The following ADAM10 variants were observed in gnomAD, a reference collection of about 807,000 sequenced individuals.
The protein encoded by ADAM10 is ADAM metallopeptidase domain 10.
ADAM10 carries 17 observed loss-of-function variants against 90.1 expected under a neutral mutation model. The observed-to-expected ratio is 0.19, with a 90% CI of 0.13 to 0.28. ADAM10 has a LOEUF of 0.28. Among genes scored for constraint, ADAM10 ranks in the 10% least tolerant of loss-of-function variants. The pLI is 1.00. For missense variants in ADAM10, 610 were observed against 914.3 expected (o/e 0.67, Z 4.29); for synonymous variants, 310 against 298.6 (o/e 1.04, Z -0.40).
At chr15:58,613,662 A>G (rs1468864575) in intron 11 of ADAM10, among the ~76,000 whole-genome samples, 1 of 151,898 alleles carries the variant, frequency 6.6e-6, no homozygotes, top group South Asian at 2.1e-4. Context: ...ATAAAAATAT[A>G]TAATAGACAG....
rs1894930535 is a variant in ADAM10 at position 58,595,689 on chromosome 15, A to C, written c.*1858T>G. ...TAGGGCAGTGTGTGTACCTGCCAAAATCCTACCACAGGATAACATTACAAG... is the reference window on the plus strand; with the variant it reads ...TAGGGCAGTGTGTGTACCTGCCAAACTCCTACCACAGGATAACATTACAAG... On this transcript the variant is annotated 3_prime_UTR_variant, in exon 16 of 16. Transcript: ENST00000260408. 2 of 152,128 alleles carry C rather than the reference A, an allele frequency of 1.3e-5. No homozygotes were observed. Among genetic ancestry groups the C allele is most frequent in the South Asian group, 4.1e-4 (2 of 4,832 alleles). 9.4% of individuals were successfully genotyped at this position (152,128 alleles called of 1,614,324 possible).
intron 9 of ADAM10, chr15:58,629,329 C>T (rs1896034995): frequency 6.6e-6 from 1 of 152,166 alleles, no homozygotes; most frequent in African/African-American, 2.4e-5. Context: ...CTGCATAAAT[C>T]CATTACAGAT....
rs529088737 is a variant in ADAM10, at chr15:58,694,713, T to C, written c.207-12399A>G. Among the ~76,000 whole-genome samples, 138 of 150,886 alleles carry C rather than the reference T, an allele frequency of 9.1e-4. 1 individual carries two copies. The highest frequency in any genetic ancestry group is 2.8e-3 in the Admixed American group (43 of 15,132). On this transcript the variant is annotated intron_variant, in intron 2 of 15. Coordinates refer to ENST00000260408, the MANE Select transcript of ADAM10 (RefSeq NM_001110.4). ...GTCTATCAACAAGTAAAGAGAAAGA[T>C]GTATTCATATAATGGCAAACTACTC... is the stretch of plus-strand genomic sequence containing the variant.
chr15:58,597,404 G>A lies in ADAM10; in HGVS notation c.*143C>T. 1 of 1,554,164 alleles carries A rather than the reference G, an allele frequency of 6.4e-7. No homozygotes were observed. Among genetic ancestry groups the A allele is most frequent in the Non-Finnish European group, 8.7e-7 (1 of 1,148,192 alleles). On this transcript the variant is annotated 3_prime_UTR_variant, in exon 16 of 16. Coordinates refer to ENST00000260408, the MANE Select transcript of ADAM10 (RefSeq NM_001110.4). ...TTTAAAATTTAAGTAATTCCACCTG[G>A]TCTGAGGATATGATCTCTTGCCATT...
At chr15:58,676,748 T>C (rs1381617565) in intron 4 of ADAM10, among the ~76,000 whole-genome samples, 3 of 151,976 alleles carry the variant, frequency 2.0e-5, no homozygotes, top group African/African-American at 7.3e-5. Context: ...GCCCAGGAGG[T>C]TGAGGCTGTA....
intron 2 of ADAM10, among the ~76,000 whole-genome samples, chr15:58,715,672 G>C (rs1898635243): frequency 6.6e-6 from 1 of 152,120 alleles, no homozygotes; most frequent in African/African-American, 2.4e-5. Flanking sequence ...TTCACTAGCA[G>C]TCAGTAAACA....
intron 11 of ADAM10, among the ~76,000 whole-genome samples, chr15:58,613,958 A>G (rs1895526522): frequency 6.6e-6 from 1 of 152,202 alleles, no homozygotes; most frequent in Non-Finnish European, 1.5e-5. Context: ...TCTGCAACCA[A>G]TCAATCAATC....
chr15:58,593,020 A>G lies in ADAM10; in HGVS notation c.*4527T>C, dbSNP rs1481272568. On this transcript the variant is annotated 3_prime_UTR_variant, in exon 16 of 16. Transcript: ENST00000260408. ...AAAAAAAAAACATACATCCACAGAAATATTTAGAGTAGTTAATGTGATATA... is the reference window on the plus strand; with the variant it reads ...AAAAAAAAAACATACATCCACAGAAGTATTTAGAGTAGTTAATGTGATATA... 2 of 150,666 alleles carry G rather than the reference A, an allele frequency of 1.3e-5. No individual in the cohort carries two copies. Among genetic ancestry groups the G allele is most frequent in the Admixed American group, 6.6e-5 (1 of 15,134 alleles). The allele number at this position is 150,666 out of a possible 1,614,324, so 9.3% of individuals were successfully genotyped here.
intron 9 of ADAM10, among the ~76,000 whole-genome samples, chr15:58,628,229 T>C (rs1335770637): frequency 6.6e-6 from 1 of 152,174 alleles, no homozygotes; most frequent in Non-Finnish European, 1.5e-5. Flanking sequence ...AACTACTAAA[T>C]AGTCTCTAAC....
At chr15:58,609,925 T>A in intron 14 of ADAM10, 1 of 259,162 alleles carries the variant, frequency 3.9e-6, no homozygotes, top group Non-Finnish European at 7.5e-6. Flanking sequence ...TCAGGAAAAA[T>A]CACCAATTAG....
At chr15:58,723,467 C>A (rs1898924557) in intron 1 of ADAM10, among the ~76,000 whole-genome samples, 2 of 151,972 alleles carry the variant, frequency 1.3e-5, no homozygotes, top group Admixed American at 1.3e-4. Context: ...GGTAGATCAC[C>A]TGAGGTCAGG....
At chr15:58,741,369 T>G (rs1899608591) in intron 1 of ADAM10, among the ~76,000 whole-genome samples, 1 of 152,184 alleles carries the variant, frequency 6.6e-6, no homozygotes, top group African/African-American at 2.4e-5. Flanking sequence ...AATCTCTATC[T>G]CCACTCCAAA....
intron 14 of ADAM10, among the ~76,000 whole-genome samples, chr15:58,608,835 A>G (rs1448441606): frequency 3.3e-5 from 5 of 152,198 alleles, no homozygotes; most frequent in Non-Finnish European, 7.4e-5. Flanking sequence ...ATAACAGAGA[A>G]AAGTAAAAAA....
intron 2 of ADAM10, among the ~76,000 whole-genome samples, chr15:58,685,580 A>ATATATATATATG (rs1306197062): frequency 7.4e-6 from 1 of 134,486 alleles, no homozygotes; most frequent in African/African-American, 3.0e-5. Context: ...ATATATATAT[A>ATATATATATATG]TATGTATATA....
intron 2 of ADAM10, chr15:58,692,747 C>T (rs1897861275): frequency 3.4e-6 from 2 of 589,440 alleles, no homozygotes; most frequent in South Asian, 1.4e-5. Flanking sequence ...TACTGTTCTT[C>T]GTCATTGTGC....
At chr15:58,612,904 A>G (rs1566967220) in intron 11 of ADAM10, among the ~76,000 whole-genome samples, 1 of 152,182 alleles carries the variant, frequency 6.6e-6, no homozygotes, top group South Asian at 2.1e-4. Flanking sequence ...ACTGCAAGAC[A>G]CAAGTACCAT....
At chr15:58,647,159 G>A (rs1423606518) in intron 5 of ADAM10, among the ~76,000 whole-genome samples, 7 of 149,034 alleles carry the variant, frequency 4.7e-5, no homozygotes, top group African/African-American at 1.7e-4. Flanking sequence ...TAGAATGTAA[G>A]TTCTGGAAAG....
chr15:58,600,533 C>CT (rs1448410840), intron 14 of ADAM10, among the ~76,000 whole-genome samples: 1 of 151,908 alleles, frequency 6.6e-6, no homozygotes, highest in Non-Finnish European at 1.5e-5. Flanking sequence ...TATAGGCTAT[C>CT]TTTTTAAATA....
intron 8 of ADAM10, among the ~76,000 whole-genome samples, chr15:58,634,625 CT>C (rs1469076331): frequency 6.6e-6 from 1 of 152,068 alleles, no homozygotes; most frequent in Non-Finnish European, 1.5e-5. Flanking sequence ...AGACATTACA[CT>C]GGTAAGATCA....
Sources: gnomAD v4.1 joint callset for allele counts (sites outside exome capture counted in the v4.1 genomes callset) on GRCh38, gnomAD v4.1.1 for gene constraint, MANE v1.5 for transcripts, NCBI Gene and HGNC (gene_info 2026-07-23, HGNC 2026-07-21) for gene names.